RORA: variants seen among roughly 807,000 people sequenced by gnomAD.
RORA encodes the protein RAR related orphan receptor A, also known as nuclear receptor ROR-alpha.
A neutral mutation model predicts 69.5 loss-of-function variants in RORA; 7 were observed. The observed-to-expected ratio is 0.10, with a 90% CI of 0.06 to 0.19. The LOEUF (loss-of-function observed/expected upper bound fraction) is 0.19, where lower values mean the gene tolerates loss of function less well. RORA is among the 10% of genes least tolerant of loss of function. The probability of loss-of-function intolerance (pLI) is 1.00; values close to 1 mark genes in which losing one functional copy is unlikely to be tolerated. For missense variants in RORA, 457 were observed against 663.0 expected, an observed-to-expected ratio of 0.69 and a Z score of 3.41; for synonymous variants, 261 against 240.8, an observed-to-expected ratio of 1.08 and a Z score of -0.78.
At position 60,516,179 on chromosome 15, in the gene RORA, A is replaced by AT. The variant is rs1387519378; in HGVS notation, c.283-1423dup. On this transcript the variant is annotated intron_variant, in intron 3 of 10. Coordinates refer to ENST00000335670, the MANE Select transcript of RORA (RefSeq NM_134261.3). ...TATATATTTATATATATATTTATATATATATTTATATATATATTTATATAT... is the reference window on the plus strand; with the variant it reads ...TATATATTTATATATATATTTATATATTATATTTATATATATATTTATATAT... Among the ~76,000 whole-genome samples, 3 of 26,660 alleles carry AT rather than the reference A, an allele frequency of 1.1e-4. 1 individual carries two copies. Among genetic ancestry groups the AT allele is most frequent in the Non-Finnish European group, 1.7e-4 (3 of 17,260 alleles). The allele number at this position is 26,660 out of a possible 152,430, so 17.5% of individuals were successfully genotyped here.
chr15:60,580,134 A>G (rs953478386), intron 2 of RORA, among the ~76,000 whole-genome samples: 1 of 152,146 alleles, frequency 6.6e-6, no homozygotes, highest in Non-Finnish European at 1.5e-5. Context: ...TAATATCAAG[A>G]GAGAGGGAAG....
In RORA at chr15:60,537,397, A is replaced by G. The variant is rs2066713426; in HGVS notation, c.197-5546T>C. Among the ~76,000 whole-genome samples, 1 of 152,158 alleles carries G rather than the reference A, an allele frequency of 6.6e-6. No individual in the cohort carries two copies. Among genetic ancestry groups the G allele is most frequent in the Non-Finnish European group, 1.5e-5 (1 of 68,022 alleles). On this transcript the variant is annotated intron_variant, in intron 2 of 10. Coordinates refer to ENST00000335670, the MANE Select transcript of RORA (RefSeq NM_134261.3). The surrounding 1 kb of genome is among the most constrained non-coding windows in gnomAD (Gnocchi z 4.9). The stretch of plus-strand genomic sequence containing the variant: ...GAGGAAACCTTTCTTCAATCTGTCT[A>G]CCCAGACAAGCTCCCTTTTTTCAAA...
At chr15:60,763,416 G>A (rs537832444) in intron 1 of RORA, among the ~76,000 whole-genome samples, 1 of 152,230 alleles carries the variant, frequency 6.6e-6, no homozygotes, top group South Asian at 2.1e-4. Context: ...GTTCCCTTAA[G>A]CATCAAATTA....
At chr15:60,583,890 G>C (rs1045607563) in intron 2 of RORA, among the ~76,000 whole-genome samples, 3 of 152,154 alleles carry the variant, frequency 2.0e-5, no homozygotes, top group African/African-American at 7.2e-5. Flanking sequence ...CCCGAGCAGT[G>C]GTTCCCAAAC....
At chr15:60,616,065 A>C (rs2069233428) in intron 2 of RORA, among the ~76,000 whole-genome samples, 1 of 152,250 alleles carries the variant, frequency 6.6e-6, no homozygotes, top group African/African-American at 2.4e-5. Flanking sequence ...TGTGAAGAGC[A>C]TTATAAAATA....
At chr15:61,207,093 T>A (rs2079949036) in intron 1 of RORA, among the ~76,000 whole-genome samples, 1 of 152,036 alleles carries the variant, frequency 6.6e-6, no homozygotes, top group South Asian at 2.1e-4. Context: ...TATATATATA[T>A]ATGTATGCAT....
chr15:60,753,203 C>G (rs576648079), intron 1 of RORA, among the ~76,000 whole-genome samples: 1 of 152,328 alleles, frequency 6.6e-6, no homozygotes, highest in Admixed American at 6.5e-5. Context: ...AAGTCCTACT[C>G]GCAGTTTAGT....
rs576560970 is a variant in RORA, at chr15:60,888,372, C to T, written c.167-209686G>A. ...GTCCCTGGAGAAGGTGTTTCTACCA[C>T]GTTCTTTCAGTGTGGTGAAAAGGAC... On this transcript the variant is annotated intron_variant, in intron 1 of 10. Coordinates refer to ENST00000335670, the MANE Select transcript of RORA (RefSeq NM_134261.3). 9.2e-5 allele frequency among the ~76,000 whole-genome samples: 14 copies of T among 152,328 alleles called. No individual in the cohort carries two copies. In the East Asian group the frequency reaches 1.7e-3, roughly 19 times the overall value.
chr15:61,029,687 A>G (rs1051227885), intron 1 of RORA, among the ~76,000 whole-genome samples: 3 of 152,182 alleles, frequency 2.0e-5, no homozygotes, highest in Non-Finnish European at 4.4e-5. Flanking sequence ...ATCTGAGGGT[A>G]AAGAAGGGGA....
intron 1 of RORA, among the ~76,000 whole-genome samples, chr15:60,935,598 G>C (rs1043518597): frequency 6.6e-6 from 1 of 152,184 alleles, no homozygotes; most frequent in Non-Finnish European, 1.5e-5. Context: ...GGTCATTGTC[G>C]AGAGTCTATA....
intron 1 of RORA, among the ~76,000 whole-genome samples, chr15:61,209,751 G>A (rs1282558305): frequency 2.0e-5 from 3 of 152,144 alleles, no homozygotes; most frequent in Non-Finnish European, 4.4e-5. Context: ...AGTGATCAAG[G>A]TCAAATGGTT....
intron 2 of RORA, among the ~76,000 whole-genome samples, chr15:60,640,167 G>T (rs1343739565): frequency 6.6e-6 from 1 of 152,174 alleles, no homozygotes; most frequent in Non-Finnish European, 1.5e-5. Flanking sequence ...TTCATGTGAG[G>T]AGTAAAGTAC....
At chr15:60,647,624 A>C (rs111455059) in intron 2 of RORA, among the ~76,000 whole-genome samples, 8 of 152,096 alleles carry the variant, frequency 5.3e-5, no homozygotes. Context: ...TTACTAGTAC[A>C]TTTTTTTGTC....
chr15:61,005,491 A>G (rs1179065180), intron 1 of RORA, among the ~76,000 whole-genome samples: 1 of 152,200 alleles, frequency 6.6e-6, no homozygotes, highest in Non-Finnish European at 1.5e-5. Context: ...AAAAATAAAA[A>G]CAAAAGTTAT....
chr15:60,762,880 T>A (rs1365071600), intron 1 of RORA, among the ~76,000 whole-genome samples: 2 of 152,140 alleles, frequency 1.3e-5, no homozygotes, highest in Admixed American at 1.3e-4. Context: ...TTCCGCTACC[T>A]GATTCTTGAA....
chr15:60,721,989 AT>A (rs1449887768), intron 1 of RORA, among the ~76,000 whole-genome samples: 1 of 152,244 alleles, frequency 6.6e-6, no homozygotes, highest in Admixed American at 6.5e-5. Flanking sequence ...GCCTGTATTC[AT>A]TTGCTTAGCA....
chr15:61,081,394 T>A (rs753606730), intron 1 of RORA, among the ~76,000 whole-genome samples: 1 of 152,228 alleles, frequency 6.6e-6, no homozygotes, highest in Non-Finnish European at 1.5e-5. Context: ...AGTCATTTTT[T>A]AAATTGTTTA....
intron 2 of RORA, among the ~76,000 whole-genome samples, chr15:60,562,007 G>A (rs939986780): frequency 1.3e-5 from 2 of 151,184 alleles, no homozygotes; most frequent in Non-Finnish European, 1.5e-5. Flanking sequence ...ACAGTGGCGC[G>A]ATCTCGGATC....
chr15:60,566,027 CAT>C (rs2140436892), intron 2 of RORA, among the ~76,000 whole-genome samples: 1 of 152,288 alleles, frequency 6.6e-6, no homozygotes, highest in Admixed American at 6.5e-5. Context: ...AACATACACT[CAT>C]ATGTGCACTC....
Sources: allele counts gnomAD v4.1 joint callset (sites outside exome capture counted in the v4.1 genomes callset), GRCh38; gene constraint gnomAD v4.1.1; non-coding constraint Gnocchi (gnomAD v3.1); transcripts MANE v1.5; gene names NCBI Gene and HGNC (gene_info 2026-07-23, HGNC 2026-07-21).